TXN: variants seen among roughly 807,000 people sequenced by gnomAD.
TXN encodes the protein ADF.
A neutral mutation model predicts 16.5 loss-of-function variants in TXN; 10 were observed. That is an observed-to-expected ratio of 0.61 (90% CI 0.37 to 1.03). The LOEUF is 1.03. Ranked by LOEUF, TXN falls within the 50% of genes least tolerant of loss-of-function variation. The pLI, the probability that TXN is intolerant of heterozygous loss-of-function variation, is 0.01. For missense variants in TXN, 71 were observed against 122.5 expected (o/e 0.58, Z 1.98); for synonymous variants, 35 against 39.4 (o/e 0.89, Z 0.42).
At position 110,256,227 on chromosome 9, in the gene TXN, G is replaced by A. The variant is rs1181381758; in HGVS notation, c.24+185C>T. ...CCTCCAGGGCAGGCTCCACCGCCTCGGGCGCGCCCAGGCCGCTGCTTCCCG... is the reference window on the plus strand; with the variant it reads ...CCTCCAGGGCAGGCTCCACCGCCTCAGGCGCGCCCAGGCCGCTGCTTCCCG... On this transcript the variant is annotated intron_variant, in intron 1 of 4. Transcript: ENST00000374517. This position sits in a 1 kb window ranked among gnomAD's most constrained non-coding sequence, Gnocchi z 4.2. 6.6e-6 allele frequency among the ~76,000 whole-genome samples: 1 copy of A among 152,016 alleles called. No individual in the cohort carries two copies. The highest frequency in any genetic ancestry group is 1.5e-5 in the Non-Finnish European group (1 of 67,968).
chr9:110,250,906 A>G (rs777117646), intron 2 of TXN, 27 bp from the exon 3 acceptor site: 83 of 1,578,924 alleles, frequency 5.3e-5, no homozygotes, highest in Non-Finnish European at 7.0e-5. Context: ...GAAAAATCCA[A>G]AAAGATTTAG....
chr9:110,245,996 C>T (rs1029862932), intron 3 of TXN, among the ~76,000 whole-genome samples: 10 of 151,854 alleles, frequency 6.6e-5, no homozygotes, highest in African/African-American at 2.2e-4. Flanking sequence ...ACCTGGGAGG[C>T]GGAGGTTGCA....
At position 110,243,957 on chromosome 9, in the gene TXN, G is replaced by A. The variant is rs1235316302; in HGVS notation, c.*200C>T. ...TACTAAAAAGTGATTGAGAATATAG[G>A]AAAATACATTAAATGACCATTTCAC... On this transcript the variant is annotated 3_prime_UTR_variant, in exon 5 of 5. Transcript: ENST00000374517. 3.3e-6 allele frequency: 1 copy of A among 303,898 alleles called. No homozygotes were observed. Among genetic ancestry groups the A allele is most frequent in the Non-Finnish European group, 6.2e-6 (1 of 161,594 alleles). 18.8% of individuals were successfully genotyped at this position (303,898 alleles called of 1,614,324 possible).
chr9:110,246,426 G>A (rs1230686508), intron 3 of TXN, among the ~76,000 whole-genome samples: 2 of 152,116 alleles, frequency 1.3e-5, no homozygotes, highest in Admixed American at 6.5e-5. Context: ...CATGCTATAA[G>A]AGGGCAAGGT....
At position 110,244,181 on chromosome 9, in the gene TXN, T is replaced by G; in HGVS notation, c.294A>C (p.Glu98Asp). The change falls in exon 5 of 5, where the codon GAA (glutamate) becomes GAC (aspartate). Residue 98 changes from glutamate to aspartate, a missense_variant. Coordinates refer to ENST00000374517, the MANE Select transcript of TXN (RefSeq NM_003329.4). ...EFSGANKEKL[E>D]ATINELV Reference sequence around the variant, plus strand: ...ATTAGACTAATTCATTAATGGTGGCTTCAAGCTTTTCCTTATTGGCTCCAG... The same window carrying G: ...ATTAGACTAATTCATTAATGGTGGCGTCAAGCTTTTCCTTATTGGCTCCAG... The G allele has an allele frequency of 6.3e-7, 1 of 1,575,674 alleles. No individual in the cohort carries two copies. Among genetic ancestry groups the G allele is most frequent in the Non-Finnish European group, 8.6e-7 (1 of 1,160,428 alleles).
At chr9:110,251,235 A>T in intron 2 of TXN, 123 bp downstream of exon 2, 3 of 743,762 alleles carry the variant, frequency 4.0e-6, no homozygotes, top group Non-Finnish European at 7.2e-6. Flanking sequence ...TAGACCAAAG[A>T]TCCAGCCAAA....
chr9:110,244,587 G>C (rs1007317764), intron 4 of TXN, among the ~76,000 whole-genome samples, 191 bp downstream of exon 4: 36 of 152,102 alleles, frequency 2.4e-4, no homozygotes, highest in African/African-American at 7.5e-4. Context: ...CTAGTTCTAG[G>C]AAAGATTGAT....
intron 3 of TXN, among the ~76,000 whole-genome samples, chr9:110,249,708 G>A (rs1275861167): frequency 4.6e-5 from 7 of 152,238 alleles, no homozygotes; most frequent in South Asian, 2.1e-4. Flanking sequence ...GGGTTGTTGC[G>A]CCCTCCCATG....
At chr9:110,255,921 G>C (rs1465816737) in intron 1 of TXN, among the ~76,000 whole-genome samples, 5 of 152,172 alleles carry the variant, frequency 3.3e-5, no homozygotes, top group African/African-American at 1.2e-4. Context: ...CCACCGACCC[G>C]TGCCTTCTGC....
At chr9:110,253,282 A>C (rs1309099970) in intron 1 of TXN, among the ~76,000 whole-genome samples, 1 of 152,202 alleles carries the variant, frequency 6.6e-6, no homozygotes, top group African/African-American at 2.4e-5. Flanking sequence ...AAGGTAGGAC[A>C]ACACTTTCAT....
chr9:110,247,812 T>C (rs1241009198), intron 3 of TXN, among the ~76,000 whole-genome samples: 1 of 152,222 alleles, frequency 6.6e-6, no homozygotes, highest in African/African-American at 2.4e-5. Context: ...AGACAGTTAC[T>C]ATACAACAGG....
intron 3 of TXN, among the ~76,000 whole-genome samples, chr9:110,246,966 A>G (rs4135208): frequency 0.29 from 43,468 of 152,004 alleles, 6,352 homozygotes; most frequent in Admixed American, 0.32. Context: ...ATACTTTTCT[A>G]TCAATCTATG....
At chr9:110,249,572 A>T (rs936448154) in intron 3 of TXN, among the ~76,000 whole-genome samples, 4 of 152,146 alleles carry the variant, frequency 2.6e-5, no homozygotes, top group African/African-American at 9.7e-5. Context: ...AGAAGGGGTG[A>T]AGCTCATGAC....
rs138381266 is a variant in TXN at position 110,244,111 on chromosome 9, C to T, written c.*46G>A. ...ATATTTTTGTAAATTAAAAAAATTA[C>T]AAGTTTTAAATAGCCAATGGCTGGT... On this transcript the variant is annotated 3_prime_UTR_variant, in exon 5 of 5. Transcript: ENST00000374517. 7.9e-5 allele frequency: 98 copies of T among 1,246,140 alleles called. 2 individuals are homozygous for T. The African/African-American group carries it at 1.3e-3, about 16-fold the overall frequency. The allele number at this position is 1,246,140 out of a possible 1,614,324, so 77.2% of individuals were successfully genotyped here. A position where few individuals can be genotyped will look rare whatever the true frequency, so the allele number is the denominator to read the frequency against.
intron 1 of TXN, among the ~76,000 whole-genome samples, chr9:110,254,090 A>C (rs79472584): frequency 6.6e-6 from 1 of 152,114 alleles, no homozygotes; most frequent in Admixed American, 6.5e-5. Context: ...TTTACAGTCA[A>C]TTATTCCATT....
At chr9:110,251,325 T>C (rs748693917) in intron 2 of TXN, 33 bp downstream of exon 2, 5 of 1,512,616 alleles carry the variant, frequency 3.3e-6, no homozygotes, top group Non-Finnish European at 4.6e-6. Context: ...AAAACACAAA[T>C]CTCTTACAAA....
At chr9:110,245,391 C>A (rs72757051) in intron 3 of TXN, among the ~76,000 whole-genome samples, 1 of 150,480 alleles carries the variant, frequency 6.6e-6, no homozygotes, top group Admixed American at 6.6e-5. Flanking sequence ...AAGGAATAAC[C>A]CCACACTGGG....
At chr9:110,245,654 A>ATATATATATAT (rs1232332404) in intron 3 of TXN, among the ~76,000 whole-genome samples, 40 of 21,770 alleles carry the variant, frequency 1.8e-3, no homozygotes, top group Non-Finnish European at 2.6e-3. Context: ...ATATATATAT[A>ATATATATATAT]TTTTTTTTTT....
At chr9:110,249,601 G>T (rs932000746) in intron 3 of TXN, among the ~76,000 whole-genome samples, 2 of 152,156 alleles carry the variant, frequency 1.3e-5, no homozygotes, top group African/African-American at 2.4e-5. Flanking sequence ...AGTCAGGTAG[G>T]AAAGGAAAGG....
Sources: allele counts gnomAD v4.1 joint callset (sites outside exome capture counted in the v4.1 genomes callset), GRCh38; gene constraint gnomAD v4.1.1; non-coding constraint Gnocchi (gnomAD v3.1); transcripts MANE v1.5; gene names NCBI Gene and HGNC (gene_info 2026-07-23, HGNC 2026-07-21).